Variants in DPYS observed in about 807,000 individuals in gnomAD.
DPYS encodes the protein dihydropyrimidine amidohydrolase.
DPYS carries 39 observed loss-of-function variants against 50.3 expected under a neutral mutation model. That is an observed-to-expected ratio of 0.78 (90% CI 0.60 to 1.01). The LOEUF is 1.01. Ranked by LOEUF, DPYS falls within the 50% of genes least tolerant of loss-of-function variation. The probability of loss-of-function intolerance (pLI) is 0.00; values close to 1 mark genes in which losing one functional copy is unlikely to be tolerated. For missense variants in DPYS, 659 were observed against 680.9 expected (o/e 0.97, Z 0.36); for synonymous variants, 245 against 250.7 (o/e 0.98, Z 0.22).
intron 7 of DPYS, among the ~76,000 whole-genome samples, chr8:104,413,487 T>C (rs1442616645): frequency 9.2e-5 from 14 of 152,098 alleles, no homozygotes; most frequent in Admixed American, 9.2e-4. Flanking sequence ...TTAGCTATAG[T>C]ACTCTTTGTA....
chr8:104,417,505 T>G (rs77961781), intron 7 of DPYS, among the ~76,000 whole-genome samples: 2 of 152,336 alleles, frequency 1.3e-5, no homozygotes, highest in East Asian at 3.9e-4. Context: ...GTTCCTGATT[T>G]CTTCTCCTGA....
intron 7 of DPYS, among the ~76,000 whole-genome samples, chr8:104,397,528 G>T (rs891290789): frequency 2.6e-5 from 4 of 152,176 alleles, no homozygotes; most frequent in African/African-American, 9.7e-5. Flanking sequence ...GCCCATTTTT[G>T]TTGGGTACCC....
chr8:104,451,398 G>A lies in DPYS; in HGVS notation c.271C>T (p.Leu91Phe), dbSNP rs910567054. The change falls in exon 2 of 10, where the codon CTC becomes TTC. Residue 91 changes from leucine to phenylalanine, a missense_variant. By Grantham distance (22) the Leu-to-Phe change is conservative. Transcript: ENST00000351513. ...DDFHQGTKAA[L>F]SGGTTMIIDF... ...ATAATCATGGTGGTGCCTCCTGAGA[G>A]AGCAGCCTGGAATCATAAGAGGTTT... is the stretch of plus-strand genomic sequence containing the variant. 1 of 1,614,018 alleles carries A rather than the reference G, an allele frequency of 6.2e-7. No homozygotes were observed. The highest frequency in any genetic ancestry group is 8.5e-7 in the Non-Finnish European group (1 of 1,180,022).
chr8:104,455,015 G>A (rs973835099), intron 1 of DPYS, among the ~76,000 whole-genome samples: 1 of 152,152 alleles, frequency 6.6e-6, no homozygotes, highest in African/African-American at 2.4e-5. Context: ...ATTTTAGGGT[G>A]GTGAATACTG....
chr8:104,429,695 A>T lies in DPYS; in HGVS notation c.800T>A (p.Val267Glu), dbSNP rs780802604. 1.2e-6 allele frequency: 2 copies of T among 1,613,924 alleles called. No individual in the cohort carries two copies. Among genetic ancestry groups the T allele is most frequent in the Non-Finnish European group, 8.5e-7 (1 of 1,179,990 alleles). The change falls in exon 5 of 10, where the codon GTG becomes GAG. Residue 267 changes from valine (V) to glutamate (E), a missense_variant. Physicochemically the swap from Val to Glu is moderately radical, Grantham distance 121. Coordinates refer to ENST00000351513, the MANE Select transcript of DPYS (RefSeq NM_001385.3). Reference sequence around the variant, plus strand: ...GGCTGCTATGGGTTCACCATAGACCACCTTCCCTGGAAAGATTAAAAGAAG... The same window carrying T: ...GGCTGCTATGGGTTCACCATAGACCTCCTTCCCTGGAAAGATTAAAAGAAG... ...VIADARRDGK[V>E]VYGEPIAASL...
At chr8:104,407,487 AC>A (rs1187204034) in intron 7 of DPYS, among the ~76,000 whole-genome samples, 1 of 152,242 alleles carries the variant, frequency 6.6e-6, no homozygotes, top group Admixed American at 6.5e-5. Flanking sequence ...ATTTAGGTCT[AC>A]ATAGGAGATT....
chr8:104,432,429 T>G (rs1385541820), intron 4 of DPYS, among the ~76,000 whole-genome samples: 1 of 152,190 alleles, frequency 6.6e-6, no homozygotes, highest in Non-Finnish European at 1.5e-5. Flanking sequence ...TATTGAGTCC[T>G]GAGATCTGCT....
intron 8 of DPYS, among the ~76,000 whole-genome samples, chr8:104,386,131 G>A (rs1471523096): frequency 6.6e-6 from 1 of 152,124 alleles, no homozygotes; most frequent in Non-Finnish European, 1.5e-5. Context: ...ATAATTTGTG[G>A]TTCTATAAAT....
intron 8 of DPYS, among the ~76,000 whole-genome samples, chr8:104,383,578 A>G (rs1588392766): frequency 6.8e-6 from 1 of 146,058 alleles, no homozygotes; most frequent in South Asian, 2.2e-4. Context: ...GTTGTGCTGC[A>G]TCATTTATCT....
chr8:104,455,697 A>G (rs1236009016), intron 1 of DPYS, among the ~76,000 whole-genome samples: 2 of 152,154 alleles, frequency 1.3e-5, no homozygotes, highest in African/African-American at 4.8e-5. Flanking sequence ...CCAGGGAGCG[A>G]GAAGCCAGAC....
At chr8:104,412,152 G>C (rs1179083520) in intron 7 of DPYS, among the ~76,000 whole-genome samples, 1 of 152,160 alleles carries the variant, frequency 6.6e-6, no homozygotes, top group Non-Finnish European at 1.5e-5. Context: ...GGTGTTCAAA[G>C]AAGCCCCACT....
intron 1 of DPYS, 132 bp from the exon 2 acceptor site, chr8:104,451,536 C>T (rs771091245): frequency 5.4e-6 from 6 of 1,102,524 alleles, no homozygotes; most frequent in Non-Finnish European, 6.7e-6. Flanking sequence ...AAAGATGCTG[C>T]CTGTTTAAAT....
intron 7 of DPYS, among the ~76,000 whole-genome samples, chr8:104,415,220 G>A (rs1207177416): frequency 6.6e-6 from 1 of 152,184 alleles, no homozygotes; most frequent in Non-Finnish European, 1.5e-5. Context: ...TAGAATCTAT[G>A]TCAGGTAGGA....
intron 7 of DPYS, among the ~76,000 whole-genome samples, chr8:104,415,538 T>C (rs998849645): frequency 6.6e-6 from 1 of 152,094 alleles, no homozygotes; most frequent in Admixed American, 6.6e-5. Flanking sequence ...ATTGTATGCA[T>C]ATGTAATCAA....
At chr8:104,380,685 AAACT>A (rs776079211) in intron 9 of DPYS, 1 of 157,576 alleles carries the variant, frequency 6.3e-6, no homozygotes, top group Non-Finnish European at 1.4e-5. Context: ...ATTATTCCCA[AAACT>A]AACTGTGAAA....
At chr8:104,456,431 G>C (rs181700893) in intron 1 of DPYS, among the ~76,000 whole-genome samples, 1 of 152,150 alleles carries the variant, frequency 6.6e-6, no homozygotes, top group Non-Finnish European at 1.5e-5. Flanking sequence ...TCTTAAATGA[G>C]GGTTGATCAC....
intron 8 of DPYS, among the ~76,000 whole-genome samples, chr8:104,382,098 G>C (rs1251872234): frequency 6.6e-6 from 1 of 152,156 alleles, no homozygotes; most frequent in Non-Finnish European, 1.5e-5. Context: ...CTATCTCTCA[G>C]ATAGTGGAGA....
In DPYS at chr8:104,392,787, G is replaced by T. The variant is rs1387879648; in HGVS notation, c.1440C>A (p.Asp480Glu). The T allele has an allele frequency of 1.2e-6, 2 of 1,614,072 alleles. No individual in the cohort carries two copies. Among genetic ancestry groups the T allele is most frequent in the Admixed American group, 3.3e-5 (2 of 60,014 alleles). ...TATCCCACTGTGGCACACTCACCCG[G>T]TCTCGCTGCTTTATTCGTTTGTAAA... Reference protein sequence around the residue: ...EYIYKRIKQRDRTCTPTPVER... With the variant: ...EYIYKRIKQRERTCTPTPVER... The change falls in exon 8 of 10, where the codon GAC becomes GAA. Residue 480 changes from aspartate to glutamate, a missense_variant. Asp to Glu is a conservative substitution (Grantham distance 45). Transcript: ENST00000351513.
At chr8:104,436,050 G>A (rs1317078892) in intron 4 of DPYS, among the ~76,000 whole-genome samples, 1 of 152,092 alleles carries the variant, frequency 6.6e-6, no homozygotes, top group Non-Finnish European at 1.5e-5. Flanking sequence ...TACCTCTGCT[G>A]GGAAATAAAG....
Sources: allele counts gnomAD v4.1 joint callset (sites outside exome capture counted in the v4.1 genomes callset), GRCh38; gene constraint gnomAD v4.1.1; transcripts MANE v1.5; gene names NCBI Gene and HGNC (gene_info 2026-07-23, HGNC 2026-07-21).